Variants in PLK4 observed in about 807,000 individuals in gnomAD.
PLK4 encodes the protein polo like kinase 4, also known as serine/threonine-protein kinase PLK4.
In PLK4, 51 loss-of-function variants were observed where a neutral mutation model predicts 103.0. The ratio of observed to expected loss-of-function variants is 0.50; its 90% confidence interval spans 0.40 to 0.63. The LOEUF (loss-of-function observed/expected upper bound fraction) is 0.63, where lower values mean the gene tolerates loss of function less well. PLK4 is among the 20% of genes least tolerant of loss of function. The probability of loss-of-function intolerance (pLI) is 0.00; values close to 1 mark genes in which losing one functional copy is unlikely to be tolerated. For missense variants in PLK4, 1,054 were observed against 1,151.0 expected, an observed-to-expected ratio of 0.92 and a Z score of 1.22; for synonymous variants, 389 against 376.8, an observed-to-expected ratio of 1.03 and a Z score of -0.38.
In PLK4 at chr4:127,886,296, A is replaced by G. The variant is rs543250835; in HGVS notation, c.926A>G (p.Lys309Arg). The G allele has an allele frequency of 1.2e-4, 189 of 1,613,882 alleles. 1 individual carries two copies. In the Admixed American group the frequency reaches 3.1e-3, roughly 26 times the overall value. The change falls in exon 5 of 16, where the codon AAA (lysine) becomes AGA (arginine). Residue 309 changes from lysine (K) to arginine (R), a missense_variant. Lys to Arg is a conservative substitution (Grantham distance 26, BLOSUM62 2). This residue lies in a region of PLK4 where 680 missense variants were observed against 660.3 expected (regional missense o/e 1.03). Transcript: ENST00000270861. ...AGTATAAGTGGTAGTTTATTTGACAAAAGAAGACTTTTGATTGGTCAGCCA... is the reference window on the plus strand; with the variant it reads ...AGTATAAGTGGTAGTTTATTTGACAGAAGAAGACTTTTGATTGGTCAGCCA... ...STSISGSLFDKRRLLIGQPLP... is the reference protein window; with the variant it reads ...STSISGSLFDRRRLLIGQPLP...
chr4:127,886,484 T>TA lies in PLK4; in HGVS notation c.1115dup (p.Tyr372Ter), dbSNP rs1279734076. The TA allele has an allele frequency of 1.2e-6, 2 of 1,613,932 alleles. No homozygotes were observed. The highest frequency in any genetic ancestry group is 1.7e-6 in the Non-Finnish European group (2 of 1,179,906). ...TGCAGAAGAAAGGCCACATTCTCGA[T>TA]ACCTTCGTAGAGCTTATTCCTCTGA... ...QDAEERPHSRYLRRAYSSDRS... is the reference protein window; with the variant it reads ...QDAEERPHSR Residue 372 changes from tyrosine (Y) to a stop codon, truncating the protein, a stop_gained and frameshift_variant, in exon 5 of 16, where the codon TAC becomes TAAC. Transcript: ENST00000270861. LOFTEE classifies it high-confidence loss of function.
Position 127,887,122 on chromosome 4 carries a change from G to GT in PLK4, c.1359-266dup, listed in dbSNP as rs201095401. Among the ~76,000 whole-genome samples the GT allele has an allele frequency of 4.0e-3, 608 of 151,696 alleles. 7 individuals carry two copies. Among genetic ancestry groups the GT allele is most frequent in the African/African-American group, 0.014 (583 of 41,342 alleles). On this transcript the variant is annotated intron_variant, in intron 5 of 15. Coordinates refer to ENST00000270861, the MANE Select transcript of PLK4 (RefSeq NM_014264.5). The stretch of plus-strand genomic sequence containing the variant: ...CTAATTTTCAGTGACTGTATTGTGT[G>GT]TTTTTTTTCTTTTTCTGTTCATTTT...
At chr4:127,885,187 T>G (rs1336936617) in intron 4 of PLK4, among the ~76,000 whole-genome samples, 1 of 151,642 alleles carries the variant, frequency 6.6e-6, no homozygotes, top group Non-Finnish European at 1.5e-5. Flanking sequence ...TTCTTAAAGG[T>G]TAATATGATA....
chr4:127,888,803 A>G (rs572730220), intron 6 of PLK4, among the ~76,000 whole-genome samples: 124 of 152,332 alleles, frequency 8.1e-4, no homozygotes, highest in Non-Finnish European at 1.4e-3. Context: ...GTATTACCTC[A>G]TAGACAAAAA....
At chr4:127,896,605 C>T (rs1735573141) in intron 14 of PLK4, among the ~76,000 whole-genome samples, 196 bp from the exon 15 acceptor site, 1 of 151,938 alleles carries the variant, frequency 6.6e-6, no homozygotes, top group Admixed American at 6.6e-5. Context: ...CATGAATATT[C>T]TCAGTGCTCT....
At position 127,887,371 on chromosome 4, in the gene PLK4, G is replaced by A. The variant is rs1361776332; in HGVS notation, c.1359-25G>A. The A allele has an allele frequency of 3.0e-6, 4 of 1,350,750 alleles. No individual in the cohort carries two copies. In the South Asian group the frequency reaches 3.8e-5, roughly 13 times the overall value. The allele number at this position is 1,350,750 out of a possible 1,614,324, so 83.7% of individuals were successfully genotyped here. A position where few individuals can be genotyped will look rare whatever the true frequency, so the allele number is the denominator to read the frequency against. ...ACCTGATAATTTTTTATTAGTTTAT[G>A]GGATTTTTTTGTTTGTTTGTTTAGC... is the stretch of plus-strand genomic sequence containing the variant. On this transcript the variant is annotated intron_variant, in intron 5 of 15. Coordinates refer to ENST00000270861, the MANE Select transcript of PLK4 (RefSeq NM_014264.5).
chr4:127,893,398 T>G lies in PLK4; in HGVS notation c.2302T>G (p.Tyr768Asp). 1.2e-6 allele frequency: 2 copies of G among 1,608,500 alleles called. No homozygotes were observed. The highest frequency in any genetic ancestry group is 8.5e-7 in the Non-Finnish European group (1 of 1,176,820). ...VNSLKEEIKM[Y>D]MDHANEGHRI... ...TAGCTTGAAAGAGGAGATAAAAATG[T>G]ATATGGACCATGCTAATGAGGTACA... Residue 768 changes from tyrosine to aspartate, a missense_variant, in exon 11 of 16, where the codon TAT (tyrosine) becomes GAT (aspartate). Physicochemically the swap from Tyr to Asp is radical, Grantham distance 160. Transcript: ENST00000270861.
rs1735005912 is a variant in PLK4 at position 127,883,449 on chromosome 4, A to G, written c.233A>G (p.Tyr78Cys). 7 of 1,483,296 alleles carry G rather than the reference A, an allele frequency of 4.7e-6. No homozygotes were observed. Among genetic ancestry groups the G allele is most frequent in the Non-Finnish European group, 5.6e-6 (6 of 1,063,242 alleles). The allele number at this position is 1,483,296 out of a possible 1,614,324, so 91.9% of individuals were successfully genotyped here. A position where few individuals can be genotyped will look rare whatever the true frequency, so the allele number is the denominator to read the frequency against. The change falls in exon 4 of 16, where the codon TAT becomes TGT. Residue 78 changes from tyrosine (Y) to cysteine (C), a missense_variant. Tyr to Cys is a radical substitution (Grantham distance 194). Coordinates refer to ENST00000270861, the MANE Select transcript of PLK4 (RefSeq NM_014264.5). Reference protein sequence around the residue: ...KHPSILELYNYFEDSNYVYLV... With the variant: ...KHPSILELYNCFEDSNYVYLV... ...CCTTTCACATTTCAGCTTTATAACT[A>G]TTTTGAAGATAGCAATTATGTGTAT...
At position 127,893,907 on chromosome 4, in the gene PLK4, A is replaced by G. The variant is rs148973091; in HGVS notation, c.2562+26A>G. On this transcript the variant is annotated intron_variant, in intron 13 of 15. Coordinates refer to ENST00000270861, the MANE Select transcript of PLK4 (RefSeq NM_014264.5). Reference sequence around the variant, plus strand: ...GTAAGTAAATATATGTCACTTCTGTACTTTAAACCTTTCAATGATTGCCTG... The same window carrying G: ...GTAAGTAAATATATGTCACTTCTGTGCTTTAAACCTTTCAATGATTGCCTG... 3.7e-4 allele frequency: 436 copies of G among 1,188,142 alleles called. 2 individuals carry two copies. In the African/African-American group the frequency reaches 6.0e-3, roughly 16 times the overall value. 73.6% of individuals were successfully genotyped at this position (1,188,142 alleles called of 1,614,324 possible).
chr4:127,881,731 A>G, intron 1 of PLK4, 100 bp from the exon 2 acceptor site: 4 of 757,206 alleles, frequency 5.3e-6, no homozygotes, highest in Non-Finnish European at 9.0e-6. Flanking sequence ...AATTTTGTCA[A>G]ATTCCCCACT....
intron 10 of PLK4, 197 bp from the exon 11 acceptor site, chr4:127,893,088 C>T: frequency 2.4e-6 from 1 of 415,482 alleles, no homozygotes. Flanking sequence ...AGGCTTAAAC[C>T]AGATATATGT....
rs755385057 is a variant in PLK4 at position 127,886,434 on chromosome 4, G to A, written c.1064G>A (p.Ser355Asn). ...TGGGGAAATCAAGAAACCAGTAATA[G>A]TGGAAGGGGAAGAGTAATTCAAGAT... is the stretch of plus-strand genomic sequence containing the variant. ...TQWGNQETSN[S>N]GRGRVIQDAE... The change falls in exon 5 of 16, where the codon AGT becomes AAT. Residue 355 changes from serine to asparagine, a missense_variant. This residue lies in a region of PLK4 where 680 missense variants were observed against 660.3 expected (regional missense o/e 1.03). Coordinates refer to ENST00000270861, the MANE Select transcript of PLK4 (RefSeq NM_014264.5). 1.5e-5 allele frequency: 24 copies of A among 1,614,016 alleles called. No individual in the cohort carries two copies. In the South Asian group the frequency reaches 2.4e-4, roughly 16 times the overall value.
rs555585768 is a variant in PLK4, at chr4:127,880,974, G to A, written c.-161G>A. On this transcript the variant is annotated 5_prime_UTR_variant, in exon 1 of 16. Coordinates refer to ENST00000270861, the MANE Select transcript of PLK4 (RefSeq NM_014264.5). The stretch of plus-strand genomic sequence containing the variant: ...AGGCACCGCCCAGGCCTCGGAAGGT[G>A]TCAGGGAGAACTTTCCGTGGTTTCA... The A allele has an allele frequency of 8.1e-6, 6 of 738,758 alleles. No individual in the cohort carries two copies. The highest frequency in any genetic ancestry group is 1.4e-5 in the Non-Finnish European group (6 of 442,078). The allele number at this position is 738,758 out of a possible 1,614,324, so 45.8% of individuals were successfully genotyped here. A position where few individuals can be genotyped will look rare whatever the true frequency, so the allele number is the denominator to read the frequency against.
chr4:127,890,286 A>G, intron 7 of PLK4, 50 bp downstream of exon 7: 1 of 1,438,888 alleles, frequency 6.9e-7, no homozygotes, highest in Non-Finnish European at 9.4e-7. Flanking sequence ...ACTTGAGAAT[A>G]CAATTCTTGA....
chr4:127,886,050 A>G lies in PLK4; in HGVS notation c.680A>G (p.Asp227Gly). ...ACATTAAATAAAGTAGTATTGGCAG[A>G]TTATGAAATGCCATCTTTTTTGTCA... ...KNTLNKVVLADYEMPSFLSIE... is the reference protein window; with the variant it reads ...KNTLNKVVLAGYEMPSFLSIE... The change falls in exon 5 of 16, where the codon GAT (aspartate) becomes GGT (glycine). Residue 227 changes from aspartate to glycine, a missense_variant. Physicochemically the swap from Asp to Gly is moderately conservative, Grantham distance 94 (BLOSUM62 -1). Coordinates refer to ENST00000270861, the MANE Select transcript of PLK4 (RefSeq NM_014264.5). 4 of 1,613,840 alleles carry G rather than the reference A, an allele frequency of 2.5e-6. No homozygotes were observed. Among genetic ancestry groups the G allele is most frequent in the Non-Finnish European group, 2.5e-6 (3 of 1,179,676 alleles).
chr4:127,883,126 A>G, intron 2 of PLK4, 136 bp from the exon 3 acceptor site: 1 of 566,126 alleles, frequency 1.8e-6, no homozygotes. Context: ...GCATGGGGAA[A>G]ACAGATAACA....
At position 127,886,720 on chromosome 4, in the gene PLK4, T is replaced by G. The variant is rs771156770; in HGVS notation, c.1350T>G (p.Asn450Lys). The G allele has an allele frequency of 6.3e-7, 1 of 1,592,822 alleles. No individual in the cohort carries two copies. Among genetic ancestry groups the G allele is most frequent in the Non-Finnish European group, 8.6e-7 (1 of 1,169,398 alleles). ...GATCTTTTGAAAGACCTGATAACAA[T>G]CAAGCACTGTAAGAATAATTCTATC... ...SSGSFERPDN[N>K]QALSNHLCPG... Residue 450 changes from asparagine to lysine, a missense_variant, in exon 5 of 16, where the codon AAT becomes AAG. Asn to Lys is a moderately conservative substitution (Grantham distance 94). Around this residue, in one of 4 missense-constraint regions of PLK4, gnomAD observed 680 missense variants for 660.3 expected, o/e 1.03. Coordinates refer to ENST00000270861, the MANE Select transcript of PLK4 (RefSeq NM_014264.5).
chr4:127,892,706 A>G lies in PLK4; in HGVS notation c.2188+192A>G, dbSNP rs1233924136. ...AATTTATCTAGCCTTCCTTTAAACA[A>G]TTTATCCTATAATATGTATATTAGT... On this transcript the variant is annotated intron_variant, in intron 10 of 15. Coordinates refer to ENST00000270861, the MANE Select transcript of PLK4 (RefSeq NM_014264.5). 1.9e-5 allele frequency: 9 copies of G among 470,262 alleles called. No individual in the cohort carries two copies. The Admixed American group carries it at 2.0e-4, about 11-fold the overall frequency. The allele number at this position is 470,262 out of a possible 1,614,324, so 29.1% of individuals were successfully genotyped here.
chr4:127,891,594 C>G lies in PLK4; in HGVS notation c.1951C>G (p.Pro651Ala). 1 of 1,513,556 alleles carries G rather than the reference C, an allele frequency of 6.6e-7. No homozygotes were observed. The highest frequency in any genetic ancestry group is 9.0e-7 in the Non-Finnish European group (1 of 1,113,762). 93.8% of individuals were successfully genotyped at this position (1,513,556 alleles called of 1,614,324 possible). ...SDGNTITIYY[P>A]NGGRGFPLAD... ...CTTTTGGCAGATCACTATTTATTATCCAAATGGTGGTAGAGGTTTTCCTCT... is the reference window on the plus strand; with the variant it reads ...CTTTTGGCAGATCACTATTTATTATGCAAATGGTGGTAGAGGTTTTCCTCT... Residue 651 changes from proline to alanine, a missense_variant, in exon 9 of 16, where the codon CCA (proline) becomes GCA (alanine). By Grantham distance (27) the Pro-to-Ala change is conservative (BLOSUM62 -1). Around this residue, in one of 4 missense-constraint regions of PLK4, gnomAD observed 680 missense variants for 660.3 expected, o/e 1.03. Transcript: ENST00000270861.
Sources: gnomAD v4.1 joint callset for allele counts (sites outside exome capture counted in the v4.1 genomes callset) on GRCh38, gnomAD v4.1.1 for gene constraint, gnomAD v4.1.1 regional missense constraint, MANE v1.5 for transcripts, NCBI Gene and HGNC (gene_info 2026-07-23, HGNC 2026-07-21) for gene names.